TRIM9: variants seen among roughly 807,000 people sequenced by gnomAD.
The protein encoded by TRIM9 is E3 ubiquitin-protein ligase TRIM9.
A neutral mutation model predicts 78.3 loss-of-function variants in TRIM9; 26 were observed. The observed-to-expected ratio is 0.33, with a 90% CI of 0.24 to 0.46. The LOEUF is 0.46. Among genes scored for constraint, TRIM9 ranks in the 20% least tolerant of loss-of-function variants. The pLI, the probability that TRIM9 is intolerant of heterozygous loss-of-function variation, is 1.00. For synonymous variants in TRIM9, 398 were observed against 416.5 expected (o/e 0.96, Z 0.54); for missense variants, 787 against 1,036.4 (o/e 0.76, Z 3.30).
chr14:50,979,156 T>A, intron 12 of TRIM9: 1 of 1,409,662 alleles, frequency 7.1e-7, no homozygotes, highest in Non-Finnish European at 9.3e-7. Flanking sequence ...GAATTCTAGT[T>A]TCCTATGTGC....
At position 51,094,992 on chromosome 14, in the gene TRIM9, C is replaced by T. The variant is rs2064804605; in HGVS notation, c.-53G>A. ...CGGCTGCAGCGGGTGCCTGAGCTGG[C>T]GAGGTGGCCGACGGGCCCGTCTTGT... On this transcript the variant is annotated 5_prime_UTR_variant, in exon 1 of 13. Coordinates refer to ENST00000684578, the MANE Select transcript of TRIM9 (RefSeq NM_001387360.1). 1 of 1,321,088 alleles carries T rather than the reference C, an allele frequency of 7.6e-7. No homozygotes were observed. Among genetic ancestry groups the T allele is most frequent in the Non-Finnish European group, 9.8e-7 (1 of 1,020,880 alleles). The allele number at this position is 1,321,088 out of a possible 1,614,324, so 81.8% of individuals were successfully genotyped here. A position where few individuals can be genotyped will look rare whatever the true frequency, so the allele number is the denominator to read the frequency against.
chr14:50,988,205 T>C (rs2052979974), intron 7 of TRIM9: 2 of 152,252 alleles, frequency 1.3e-5, no homozygotes, highest in African/African-American at 2.4e-5. Flanking sequence ...TAAAATTTAA[T>C]GGAAAGGACA....
At chr14:51,085,185 G>T (rs913752879) in intron 1 of TRIM9, among the ~76,000 whole-genome samples, 1 of 152,158 alleles carries the variant, frequency 6.6e-6, no homozygotes, top group African/African-American at 2.4e-5. Flanking sequence ...AAGAGTAAGA[G>T]GAGATGAGCA....
At chr14:50,996,131 A>T (rs1449400464) in intron 7 of TRIM9, 5 of 985,170 alleles carry the variant, frequency 5.1e-6, no homozygotes, top group Non-Finnish European at 6.0e-6. Context: ...AGTAACAGAG[A>T]ATACTGATAT....
At chr14:50,990,479 G>T (rs140593202) in intron 7 of TRIM9, among the ~76,000 whole-genome samples, 139 of 152,216 alleles carry the variant, frequency 9.1e-4, no homozygotes, top group African/African-American at 3.2e-3. Context: ...ATTATTGATT[G>T]GTTTTTACAC....
intron 1 of TRIM9, among the ~76,000 whole-genome samples, chr14:51,076,969 A>T (rs1238799288): frequency 1.3e-5 from 2 of 152,112 alleles, no homozygotes; most frequent in Non-Finnish European, 2.9e-5. Context: ...TTAGGAGAAG[A>T]CCTCTTCAGA....
chr14:51,033,911 T>C, intron 1 of TRIM9, among the ~76,000 whole-genome samples: 1 of 152,340 alleles, frequency 6.6e-6, no homozygotes. Context: ...CTTTATATTA[T>C]ATATAGAAGA....
At position 50,983,416 on chromosome 14, in the gene TRIM9, T is replaced by G. The variant is rs2052250659; in HGVS notation, c.1798A>C (p.Asn600His). ...TAAGGTGCAGATTGTGTCTCAAAAT[T>G]GCATCCTATAAAGAGATACTACACA... is the stretch of plus-strand genomic sequence containing the variant. ...SLQSLNAPGC[N>H]FETQSAPYSQ... Residue 600 changes from asparagine to histidine, a missense_variant, in exon 9 of 13, where the codon AAT becomes CAT. Asn to His is a moderately conservative substitution (Grantham distance 68). Transcript: ENST00000684578. The G allele has an allele frequency of 6.5e-7, 1 of 1,543,634 alleles. No homozygotes were observed. Among genetic ancestry groups the G allele is most frequent in the South Asian group, 1.2e-5 (1 of 82,742 alleles).
chr14:51,000,033 C>A (rs1566561983), intron 6 of TRIM9, among the ~76,000 whole-genome samples: 1 of 152,132 alleles, frequency 6.6e-6, no homozygotes, highest in African/African-American at 2.4e-5. Flanking sequence ...GGTACCAGTT[C>A]TATCTGGTGA....
At chr14:51,081,413 T>C (rs1566646834) in intron 1 of TRIM9, among the ~76,000 whole-genome samples, 1 of 152,230 alleles carries the variant, frequency 6.6e-6, no homozygotes. Context: ...TAAGATGGTA[T>C]AGCTTCTTTG....
At chr14:50,982,996 G>A in intron 9 of TRIM9, 31 bp from the exon 10 acceptor site, 1 of 1,546,566 alleles carries the variant, frequency 6.5e-7, no homozygotes, top group South Asian at 1.2e-5. Flanking sequence ...AGGCATGGGG[G>A]AGAGAGATAG....
chr14:51,039,086 C>A (rs1001784971), intron 1 of TRIM9, among the ~76,000 whole-genome samples: 2 of 152,168 alleles, frequency 1.3e-5, no homozygotes, highest in African/African-American at 4.8e-5. Context: ...CCTTACCAGG[C>A]CTTTACAACA....
chr14:50,975,343 T>C lies in TRIM9; in HGVS notation c.*1948A>G, dbSNP rs189860592. On this transcript the variant is annotated 3_prime_UTR_variant, in exon 13 of 13. Transcript: ENST00000684578. ...TATAGTAGTTGTATGCATCTGTAATTGCAATTCAGTGTAAACTACATGTTA... is the reference window on the plus strand; with the variant it reads ...TATAGTAGTTGTATGCATCTGTAATCGCAATTCAGTGTAAACTACATGTTA... 3 of 152,796 alleles carry C rather than the reference T, an allele frequency of 2.0e-5. No homozygotes were observed. The highest frequency in any genetic ancestry group is 2.0e-4 in the Admixed American group (3 of 15,302). The allele number at this position is 152,796 out of a possible 1,614,324, so 9.5% of individuals were successfully genotyped here.
At chr14:51,007,866 C>A (rs2056039755) in intron 5 of TRIM9, among the ~76,000 whole-genome samples, 1 of 149,558 alleles carries the variant, frequency 6.7e-6, no homozygotes, top group South Asian at 2.1e-4. Context: ...GAGAGATGTA[C>A]ACATACCAAG....
intron 11 of TRIM9, 44 bp downstream of exon 11, chr14:50,981,756 A>G: frequency 1.2e-6 from 2 of 1,609,398 alleles, no homozygotes; most frequent in South Asian, 1.1e-5. Flanking sequence ...ACTCCTGATC[A>G]GAAGCCAACG....
intron 1 of TRIM9, among the ~76,000 whole-genome samples, chr14:51,027,849 CT>C (rs1371786215): frequency 6.7e-6 from 1 of 149,208 alleles, no homozygotes; most frequent in Non-Finnish European, 1.5e-5. Flanking sequence ...TTTTTTTTTC[CT>C]GAATGAGTAA....
chr14:51,082,579 AG>A (rs2063401163), intron 1 of TRIM9, among the ~76,000 whole-genome samples: 2 of 152,364 alleles, frequency 1.3e-5, no homozygotes, highest in Admixed American at 6.5e-5. Context: ...CCACAGAGTC[AG>A]AAAGTACACT....
chr14:50,998,320 T>C (rs1284421890), intron 6 of TRIM9, 132 bp from the exon 7 acceptor site: 27 of 841,998 alleles, frequency 3.2e-5, no homozygotes, highest in Non-Finnish European at 4.6e-5. Flanking sequence ...CTGTGAGATA[T>C]TGGGCCATTT....
At chr14:51,040,836 C>T (rs749245632) in intron 1 of TRIM9, among the ~76,000 whole-genome samples, 9 of 152,286 alleles carry the variant, frequency 5.9e-5, no homozygotes, top group South Asian at 2.1e-4. Flanking sequence ...TTAACTCTTC[C>T]GCTTACTACC....
Sources: allele counts gnomAD v4.1 joint callset (sites outside exome capture counted in the v4.1 genomes callset), GRCh38; gene constraint gnomAD v4.1.1; transcripts MANE v1.5; gene names NCBI Gene and HGNC (gene_info 2026-07-23, HGNC 2026-07-21).